Variants in GPC5 observed in about 807,000 individuals in gnomAD.
The protein encoded by GPC5 is glypican 5, also known as glypican-5.
A neutral mutation model predicts 53.9 loss-of-function variants in GPC5; 47 were observed. That is an observed-to-expected ratio of 0.87 (90% CI 0.69 to 1.11). The LOEUF is 1.11. GPC5 is among the 50% of genes most tolerant of loss of function. The probability of loss-of-function intolerance (pLI) is 0.00; values close to 1 mark genes in which losing one functional copy is unlikely to be tolerated. For missense variants in GPC5, 748 were observed against 713.1 expected (o/e 1.05, Z -0.56); for synonymous variants, 286 against 263.3 (o/e 1.09, Z -0.84).
chr13:92,554,526 T>C (rs1022724662), intron 7 of GPC5, among the ~76,000 whole-genome samples: 10 of 151,376 alleles, frequency 6.6e-5, no homozygotes, highest in Admixed American at 3.3e-4. Flanking sequence ...TCCAATATAA[T>C]TAAATGTTCA....
chr13:92,420,407 C>T (rs75844524), intron 7 of GPC5, among the ~76,000 whole-genome samples: 1,606 of 151,962 alleles, frequency 0.011, 31 homozygotes, highest in African/African-American at 0.037. Flanking sequence ...ATGGTACATG[C>T]TTTGTACCAT....
intron 7 of GPC5, among the ~76,000 whole-genome samples, chr13:92,643,827 T>C (rs994460154): frequency 1.1e-4 from 16 of 150,980 alleles, no homozygotes; most frequent in African/African-American, 3.6e-4. Flanking sequence ...TGTATACATA[T>C]GTAACTAACC....
At chr13:92,081,515 T>A (rs1482962112) in intron 6 of GPC5, among the ~76,000 whole-genome samples, 1 of 152,212 alleles carries the variant, frequency 6.6e-6, no homozygotes, top group Admixed American at 6.5e-5. Flanking sequence ...ATTTTTTTTT[T>A]ATTTTACAAA....
chr13:91,999,675 T>C (rs1410583859), intron 6 of GPC5, among the ~76,000 whole-genome samples: 1 of 152,220 alleles, frequency 6.6e-6, no homozygotes, highest in Non-Finnish European at 1.5e-5. Flanking sequence ...GGCCACCTTA[T>C]TCGAGTAATA....
At chr13:92,182,406 T>G (rs2042153173) in intron 7 of GPC5, among the ~76,000 whole-genome samples, 1 of 152,196 alleles carries the variant, frequency 6.6e-6, no homozygotes, top group South Asian at 2.1e-4. Flanking sequence ...ACTTTTAAAC[T>G]GATAACTCAA....
rs1327828045 is a variant in GPC5 at position 91,572,122 on chromosome 13, C to CATGT, written c.326-121065_326-121064insATGT. The stretch of plus-strand genomic sequence containing the variant: ...GTGTATATACACACATGTATATATA[C>CATGT]GTGTGTATATACACATATGTATATA... On this transcript the variant is annotated intron_variant, in intron 2 of 7. Coordinates refer to ENST00000377067, the MANE Select transcript of GPC5 (RefSeq NM_004466.6). Among the ~76,000 whole-genome samples the CATGT allele has an allele frequency of 2.4e-4, 28 of 119,094 alleles. 1 individual carries two copies. In the South Asian group the frequency reaches 2.4e-3, roughly 10 times the overall value. 78.1% of individuals were successfully genotyped at this position (119,094 alleles called of 152,430 possible).
Position 91,929,998 on chromosome 13 carries a change from G to GT in GPC5, c.1401+21943dup, listed in dbSNP as rs765877382. Among the ~76,000 whole-genome samples, 31 of 152,162 alleles carry GT rather than the reference G, an allele frequency of 2.0e-4. 1 individual carries two copies. The highest frequency in any genetic ancestry group is 7.9e-4 in the Admixed American group (12 of 15,258). On this transcript the variant is annotated intron_variant, in intron 6 of 7. Coordinates refer to ENST00000377067, the MANE Select transcript of GPC5 (RefSeq NM_004466.6). ...AACAATTCCCAAATGTAATTTGAAA[G>GT]TTATAAGCTAGCCTTTGATGGCCTA...
rs35795926 is a variant in GPC5, at chr13:92,740,960, G to GTGTATATATATATATATATATA, written c.1562-125321_1562-125320insGTATATATATATATATATATAT. Among the ~76,000 whole-genome samples the GTGTATATATATATATATATATA allele has an allele frequency of 1.3e-4, 15 of 117,700 alleles. 1 individual carries two copies. Among genetic ancestry groups the GTGTATATATATATATATATATA allele is most frequent in the African/African-American group, 4.6e-4 (14 of 30,372 alleles). 77.2% of individuals were successfully genotyped at this position (117,700 alleles called of 152,430 possible). A position where few individuals can be genotyped will look rare whatever the true frequency, so the allele number is the denominator to read the frequency against. On this transcript the variant is annotated intron_variant, in intron 7 of 7. Transcript: ENST00000377067. The stretch of plus-strand genomic sequence containing the variant: ...TGTATGTGTGTATATATATGTATGT[G>GTGTATATATATATATATATATA]TATATATATATCCTGCTGTAGCATA...
intron 1 of GPC5, among the ~76,000 whole-genome samples, chr13:91,410,432 G>T (rs528002938): frequency 7.4e-6 from 1 of 134,954 alleles, no homozygotes; most frequent in Admixed American, 8.7e-5. Flanking sequence ...TGCAAGCTCC[G>T]CCTGCCAGGT....
intron 7 of GPC5, among the ~76,000 whole-genome samples, chr13:92,150,297 AC>A (rs2041898311): frequency 2.8e-5 from 4 of 140,534 alleles, no homozygotes; most frequent in Non-Finnish European, 6.1e-5. Flanking sequence ...AGAAAAATTC[AC>A]AAATAAACAC....
intron 2 of GPC5, among the ~76,000 whole-genome samples, chr13:91,495,829 C>G (rs1490617820): frequency 6.6e-6 from 1 of 152,150 alleles, no homozygotes; most frequent in Admixed American, 6.5e-5. Flanking sequence ...TAGAGACCAG[C>G]CTGACTAACA....
chr13:92,021,402 C>T (rs1429506678), intron 6 of GPC5, among the ~76,000 whole-genome samples: 2 of 152,162 alleles, frequency 1.3e-5, no homozygotes, highest in East Asian at 3.9e-4. Context: ...TGTGATTCCA[C>T]TTATATGAGA....
chr13:92,561,595 C>A lies in GPC5; in HGVS notation c.1562-304687C>A, dbSNP rs563789527. Among the ~76,000 whole-genome samples, 6 of 152,110 alleles carry A rather than the reference C, an allele frequency of 3.9e-5. No individual in the cohort carries two copies. The South Asian group carries it at 1.2e-3, about 31-fold the overall frequency. On this transcript the variant is annotated intron_variant, in intron 7 of 7. Coordinates refer to ENST00000377067, the MANE Select transcript of GPC5 (RefSeq NM_004466.6). ...TTCATTTCCACACAGGTTACATGGT[C>A]ATAAATAGAGAAATTTCTAGATTTC...
intron 2 of GPC5, among the ~76,000 whole-genome samples, chr13:91,569,812 G>A (rs1480076033): frequency 6.6e-6 from 1 of 152,108 alleles, no homozygotes; most frequent in Admixed American, 6.6e-5. Context: ...ACTATGTGAG[G>A]ACACCTTGAC....
At chr13:91,806,622 C>T (rs1395807004) in intron 5 of GPC5, among the ~76,000 whole-genome samples, 2 of 152,064 alleles carry the variant, frequency 1.3e-5, no homozygotes, top group Admixed American at 6.6e-5. Context: ...ATTTACAGGA[C>T]AGGAAATAAA....
intron 2 of GPC5, among the ~76,000 whole-genome samples, chr13:91,470,889 C>A (rs1219840945): frequency 6.6e-6 from 1 of 152,078 alleles, no homozygotes; most frequent in East Asian, 1.9e-4. Context: ...TATTACCTGG[C>A]TCAATGGTCC....
intron 7 of GPC5, among the ~76,000 whole-genome samples, chr13:92,821,452 C>T (rs1877670930): frequency 1.3e-5 from 2 of 152,086 alleles, no homozygotes; most frequent in Non-Finnish European, 2.9e-5. Flanking sequence ...CTCCAGTCCT[C>T]TTTTTTCTGC....
chr13:92,738,592 T>C (rs980504376), intron 7 of GPC5, among the ~76,000 whole-genome samples: 16 of 152,202 alleles, frequency 1.1e-4, no homozygotes, highest in African/African-American at 3.8e-4. Flanking sequence ...TAAAGCCAAC[T>C]ATTCAAAATA....
chr13:92,484,830 G>C (rs1034629555), intron 7 of GPC5: 3 of 152,086 alleles, frequency 2.0e-5, no homozygotes, highest in Admixed American at 2.0e-4. Context: ...TGCCTCCCAG[G>C]TTCAAACAAT....
Sources: allele counts gnomAD v4.1 joint callset (sites outside exome capture counted in the v4.1 genomes callset), GRCh38; gene constraint gnomAD v4.1.1; transcripts MANE v1.5; gene names NCBI Gene and HGNC (gene_info 2026-07-23, HGNC 2026-07-21).